ERCC2: variants seen among roughly 807,000 people sequenced by gnomAD.
ERCC2 encodes the protein general transcription and DNA repair factor IIH helicase subunit XPD.
A neutral mutation model predicts 99.4 loss-of-function variants in ERCC2; 90 were observed. The observed-to-expected ratio is 0.91, with a 90% CI of 0.76 to 1.08. The LOEUF (loss-of-function observed/expected upper bound fraction) is 1.08, where lower values mean the gene tolerates loss of function less well. Ranked by LOEUF, ERCC2 falls within the 50% of genes least tolerant of loss-of-function variation. The probability of loss-of-function intolerance (pLI) is 0.00; values close to 1 mark genes in which losing one functional copy is unlikely to be tolerated. For synonymous variants in ERCC2, 497 were observed against 432.4 expected (o/e 1.15, Z -1.85); for missense variants, 993 against 1,038.1 (o/e 0.96, Z 0.60).
In ERCC2 at chr19:45,368,927, T is replaced by C; in HGVS notation, c.246+3A>G. 1 of 1,614,174 alleles carries C rather than the reference T, an allele frequency of 6.2e-7. No homozygotes were observed. Reference sequence around the variant, plus strand: ...TGGAGCACCAGGATGAGTCCCAGCTTACCTTCTCAATCTCTGGCACAGTTC... The same window carrying C: ...TGGAGCACCAGGATGAGTCCCAGCTCACCTTCTCAATCTCTGGCACAGTTC... On this transcript the variant is annotated splice_donor_region_variant and intron_variant, in intron 4 of 22. Transcript: ENST00000391945.
rs192250981 is a variant in ERCC2, at chr19:45,351,090, G to T, written c.*539C>A. 41 of 1,611,592 alleles carry T rather than the reference G, an allele frequency of 2.5e-5. No individual in the cohort carries two copies. Among genetic ancestry groups the T allele is most frequent in the Non-Finnish European group, 3.3e-5 (39 of 1,178,930 alleles). Reference sequence around the variant, plus strand: ...TGCAGAGATGAGGCAAAGGCAGGGCGGTCGGGCCAGTGGTGGAGTCAGCAG... The same window carrying T: ...TGCAGAGATGAGGCAAAGGCAGGGCTGTCGGGCCAGTGGTGGAGTCAGCAG... On this transcript the variant is annotated 3_prime_UTR_variant, in exon 23 of 23. Transcript: ENST00000391945.
intron 1 of ERCC2, 36 bp from the exon 2 acceptor site, chr19:45,370,268 C>T (rs376130113): frequency 6.8e-6 from 11 of 1,608,076 alleles, no homozygotes; most frequent in Non-Finnish European, 7.6e-6. Context: ...TTCCCGTCCC[C>T]TCAGCCCCTC....
chr19:45,355,518 C>T, intron 16 of ERCC2, 147 bp downstream of exon 16: 1 of 786,230 alleles, frequency 1.3e-6, no homozygotes, highest in African/African-American at 1.7e-5. Flanking sequence ...TACCAGCTCA[C>T]AGTGGACGTG....
Position 45,350,606 on chromosome 19 carries a change from T to C in ERCC2, c.*1023A>G. The C allele has an allele frequency of 1.9e-6, 3 of 1,613,160 alleles. No homozygotes were observed. Among genetic ancestry groups the C allele is most frequent in the Non-Finnish European group, 2.5e-6 (3 of 1,179,334 alleles). The stretch of plus-strand genomic sequence containing the variant: ...GGTGGGCGTGGGGACTGCATGGGCC[T>C]GGGGGACTGAGCAGCATCCCCGGCC... On this transcript the variant is annotated 3_prime_UTR_variant, in exon 23 of 23. Transcript: ENST00000391945.
At chr19:45,356,802 C>T (rs780074307) in intron 15 of ERCC2, among the ~76,000 whole-genome samples, 2 of 152,230 alleles carry the variant, frequency 1.3e-5, no homozygotes, top group Middle Eastern at 3.4e-3. Context: ...AGCAAGACTC[C>T]GTCGCACAAC....
Position 45,365,069 on chromosome 19 carries a change from G to A in ERCC2, c.450C>T (p.Thr150=). ...CATAGAATCGGCAGTGGGGCAGGCT[G>A]GTGTCATGCTGGTACTGCGCCCGCA... ...SYVRAQYQHD[T]SLPHCRFYEE... The change falls in exon 6 of 23, where the codon ACC becomes ACT. Residue 150 remains threonine (T), a synonymous_variant. Coordinates refer to ENST00000391945, the MANE Select transcript of ERCC2 (RefSeq NM_000400.4). 2 of 1,614,082 alleles carry A rather than the reference G, an allele frequency of 1.2e-6. No homozygotes were observed. Among genetic ancestry groups the A allele is most frequent in the Non-Finnish European group, 1.7e-6 (2 of 1,179,914 alleles).
intron 12 of ERCC2, chr19:45,358,863 G>C: frequency 1.3e-6 from 1 of 780,904 alleles, no homozygotes; most frequent in South Asian, 1.3e-5. Context: ...TGGGGGGTTA[G>C]GGATGAGATC....
In ERCC2 at chr19:45,350,366, A is replaced by AG. The variant is rs751518483; in HGVS notation, c.*1262dup. The stretch of plus-strand genomic sequence containing the variant: ...GCCTCAGCCTACCTGAAACAGAACA[A>AG]GTATCAACAAGCGGAAGAGCTGTAC... On this transcript the variant is annotated 3_prime_UTR_variant, in exon 23 of 23. Coordinates refer to ENST00000391945, the MANE Select transcript of ERCC2 (RefSeq NM_000400.4). The AG allele has an allele frequency of 6.2e-7, 1 of 1,613,544 alleles. No homozygotes were observed. The highest frequency in any genetic ancestry group is 8.5e-7 in the Non-Finnish European group (1 of 1,179,972).
chr19:45,351,605 C>T lies in ERCC2; in HGVS notation c.*24G>A, dbSNP rs773567527. 6.8e-6 allele frequency: 11 copies of T among 1,612,988 alleles called. No individual in the cohort carries two copies. The highest frequency in any genetic ancestry group is 1.7e-5 in the Admixed American group (1 of 59,996). On this transcript the variant is annotated 3_prime_UTR_variant, in exon 23 of 23. Coordinates refer to ENST00000391945, the MANE Select transcript of ERCC2 (RefSeq NM_000400.4). ...GCAAGACTCAGGAGTCACCAGGAAC[C>T]GTTTATGGCCCCACCCGCCCCACTC...
At chr19:45,357,442 G>C (rs1488749823) in intron 14 of ERCC2, 32 bp downstream of exon 14, 11 of 1,612,508 alleles carry the variant, frequency 6.8e-6, no homozygotes, top group Non-Finnish European at 9.3e-6. Flanking sequence ...AGGGAGGTCA[G>C]GGACTAGGAG....
chr19:45,357,166 G>A (rs867190352), intron 15 of ERCC2, 104 bp downstream of exon 15: 12 of 792,160 alleles, frequency 1.5e-5, no homozygotes, highest in African/African-American at 6.9e-5. Flanking sequence ...CAGCCTCTTC[G>A]CTGTAAAGCT....
At chr19:45,367,046 A>G (rs542355350) in intron 5 of ERCC2, among the ~76,000 whole-genome samples, 1 of 152,142 alleles carries the variant, frequency 6.6e-6, no homozygotes, top group East Asian at 1.9e-4. Flanking sequence ...AAAAATAATA[A>G]TAATAAATAA....
In ERCC2 at chr19:45,368,947, C is replaced by G. The variant is rs866646197; in HGVS notation, c.229G>C (p.Val77Leu). 3.1e-6 allele frequency: 5 copies of G among 1,614,084 alleles called. No individual in the cohort carries two copies. Among genetic ancestry groups the G allele is most frequent in the Non-Finnish European group, 4.2e-6 (5 of 1,180,050 alleles). Residue 77 changes from valine (V) to leucine (L), a missense_variant, in exon 4 of 23, where the codon GTG becomes CTG. Around this residue, in one of 3 missense-constraint regions of ERCC2, gnomAD observed 29 missense variants for 62.1 expected, o/e 0.47. Coordinates refer to ENST00000391945, the MANE Select transcript of ERCC2 (RefSeq NM_000400.4). ...VTKLIYCSRTVPEIEKVIEEL... is the reference protein window; with the variant it reads ...VTKLIYCSRTLPEIEKVIEEL... ...CAGCTTACCTTCTCAATCTCTGGCA[C>G]AGTTCTTGAGCAGTAGATGAGTTTG...
chr19:45,361,448 CA>C, intron 12 of ERCC2, 75 bp downstream of exon 12: 1 of 1,086,872 alleles, frequency 9.2e-7, no homozygotes, highest in Non-Finnish European at 1.4e-6. Context: ...GTCCTGCCAA[CA>C]ACCCTCTAGA....
intron 12 of ERCC2, chr19:45,358,709 C>T (rs1003852251): frequency 1.2e-5 from 8 of 688,292 alleles, no homozygotes; most frequent in East Asian, 2.7e-5. Context: ...CTCCGAGAGG[C>T]CCTCCCCAGC....
intron 15 of ERCC2, among the ~76,000 whole-genome samples, chr19:45,355,985 T>C (rs1053867221): frequency 3.9e-5 from 6 of 152,268 alleles, no homozygotes; most frequent in South Asian, 4.1e-4. Context: ...CACAGTGTCA[T>C]TGAATGAACC....
At position 45,350,082 on chromosome 19, in the gene ERCC2, CCAGGGCAAGGCTTTAGG is replaced by C. The variant is rs537863911; in HGVS notation, c.*1530_*1546del. On this transcript the variant is annotated 3_prime_UTR_variant, in exon 23 of 23. Coordinates refer to ENST00000391945, the MANE Select transcript of ERCC2 (RefSeq NM_000400.4). ...GGCCGAGCTCCAAACCCACTCTGCC[CCAGGGCAAGGCTTTAGG>C]CAGGGGAAGGATACGGCCAGGTCAG... The C allele has an allele frequency of 2.3e-4, 116 of 512,610 alleles. No individual in the cohort carries two copies. In the East Asian group the frequency reaches 3.7e-3, roughly 16 times the overall value. 31.8% of individuals were successfully genotyped at this position (512,610 alleles called of 1,614,324 possible).
chr19:45,357,694 T>C lies in ERCC2; in HGVS notation c.1243A>G (p.Thr415Ala), dbSNP rs1285944013. ...TCGTCAAAGGGCTCGATGATGATGG[T>C]GAAGCCTGCAGAGGGCAGGCAAGGA... ...TLVSTYAKGFTIIIEPFDDRT... is the reference protein window; with the variant it reads ...TLVSTYAKGFAIIIEPFDDRT... Residue 415 changes from threonine (T) to alanine (A), a missense_variant, in exon 13 of 23, where the codon ACC becomes GCC. By Grantham distance (58) the Thr-to-Ala change is moderately conservative. Around this residue, in one of 3 missense-constraint regions of ERCC2, gnomAD observed 909 missense variants for 930.8 expected, o/e 0.98. Transcript: ENST00000391945. 1.2e-6 allele frequency: 2 copies of C among 1,613,676 alleles called. No individual in the cohort carries two copies. The highest frequency in any genetic ancestry group is 2.2e-5 in the South Asian group (2 of 91,084).
At position 45,355,671 on chromosome 19, in the gene ERCC2, C is replaced by A; in HGVS notation, c.1537G>T (p.Asp513Tyr). The change falls in exon 16 of 23, where the codon GAT becomes TAT. Residue 513 changes from aspartate to tyrosine, a missense_variant. Transcript: ENST00000391945. ...AGCCCCACTGGCAGCATACCAATAT[C>A]CTCCCGGGTCTCAAATTTGGAGCTG... Reference protein sequence around the residue: ...AISSKFETREDIAVIRNYGNL... With the variant: ...AISSKFETREYIAVIRNYGNL... The A allele has an allele frequency of 6.2e-7, 1 of 1,614,100 alleles. No individual in the cohort carries two copies. The highest frequency in any genetic ancestry group is 8.5e-7 in the Non-Finnish European group (1 of 1,179,900).
Sources: allele counts gnomAD v4.1 joint callset (sites outside exome capture counted in the v4.1 genomes callset), GRCh38; gene constraint gnomAD v4.1.1; regional missense constraint gnomAD v4.1.1; transcripts MANE v1.5; gene names NCBI Gene and HGNC (gene_info 2026-07-23, HGNC 2026-07-21).